Variants in LRP1B observed in about 807,000 individuals in gnomAD.
The protein encoded by LRP1B is LDL receptor related protein 1B.
A neutral mutation model predicts 556.6 loss-of-function variants in LRP1B; 217 were observed. That is an observed-to-expected ratio of 0.39 (90% CI 0.35 to 0.44). LRP1B has a LOEUF of 0.44. LRP1B is among the 20% of genes least tolerant of loss of function. LRP1B has a pLI of 1.00. For synonymous variants in LRP1B, 2,047 were observed against 1,865.8 expected (o/e 1.10, Z -2.50); for missense variants, 5,053 against 5,620.8 (o/e 0.90, Z 3.23).
chr2:140,545,119 C>A (rs571592296), intron 43 of LRP1B, among the ~76,000 whole-genome samples: 1 of 146,920 alleles, frequency 6.8e-6, no homozygotes, highest in East Asian at 2.0e-4. Context: ...TGTTTATGTC[C>A]TTTGCCCACA....
chr2:141,030,873 G>A (rs1698349530), intron 11 of LRP1B, among the ~76,000 whole-genome samples: 1 of 151,954 alleles, frequency 6.6e-6, no homozygotes, highest in Non-Finnish European at 1.5e-5. Context: ...GAAGATCTGA[G>A]GTAGTCATCA....
chr2:141,625,015 G>A (rs976353172), intron 2 of LRP1B, among the ~76,000 whole-genome samples: 9 of 152,138 alleles, frequency 5.9e-5, no homozygotes, highest in African/African-American at 1.2e-4. Flanking sequence ...TGATCCGCCC[G>A]CCTCAGCCTC....
chr2:141,180,116 T>A (rs1431160645), intron 7 of LRP1B, among the ~76,000 whole-genome samples: 1 of 151,932 alleles, frequency 6.6e-6, no homozygotes, highest in African/African-American at 2.4e-5. Context: ...TTTGAATAAA[T>A]CACTGCTTAG....
chr2:142,016,936 GTA>G (rs1193537076), intron 1 of LRP1B, among the ~76,000 whole-genome samples: 2 of 84,556 alleles, frequency 2.4e-5, no homozygotes, highest in Non-Finnish European at 6.0e-5. Context: ...ATGTATATAT[GTA>G]TATATGTGTA....
At chr2:141,881,279 T>C (rs1193890692) in intron 1 of LRP1B, among the ~76,000 whole-genome samples, 9 of 152,156 alleles carry the variant, frequency 5.9e-5, no homozygotes. Flanking sequence ...AATGTGGGTT[T>C]AATGTATTAT....
Position 141,032,826 on chromosome 2 carries a change from C to CATACATATATATAT in LRP1B, c.1790-12725_1790-12724insATATATATATGTAT. Among the ~76,000 whole-genome samples, 385 of 126,656 alleles carry CATACATATATATAT rather than the reference C, an allele frequency of 3.0e-3. 13 individuals are homozygous for CATACATATATATAT. Among genetic ancestry groups the CATACATATATATAT allele is most frequent in the African/African-American group, 0.01 (346 of 33,008 alleles). The allele number at this position is 126,656 out of a possible 152,430, so 83.1% of individuals were successfully genotyped here. Reference sequence around the variant, plus strand: ...ATGTGTGTGTGTATATATATACATACATATATATATATATGCAGGCATATG... The same window carrying CATACATATATATAT: ...ATGTGTGTGTGTATATATATACATACATACATATATATATATATATATATATATGCAGGCATATG... On this transcript the variant is annotated intron_variant, in intron 11 of 90. Transcript: ENST00000389484.
rs538899153 is a variant in LRP1B at position 141,741,251 on chromosome 2, T to TATACTG, written c.205+69022_205+69027dup. Among the ~76,000 whole-genome samples, 33 of 148,374 alleles carry TATACTG rather than the reference T, an allele frequency of 2.2e-4. No homozygotes were observed. In the East Asian group the frequency reaches 3.3e-3, roughly 15 times the overall value. On this transcript the variant is annotated intron_variant, in intron 2 of 90. Coordinates refer to ENST00000389484, the MANE Select transcript of LRP1B (RefSeq NM_018557.3). ...CACAGGCGTGCAGTTATCTCTTCAGTATACTGATTTCCTTTTTTTTTTTTT... is the reference window on the plus strand; with the variant it reads ...CACAGGCGTGCAGTTATCTCTTCAGTATACTGATACTGATTTCCTTTTTTTTTTTTT...
chr2:142,122,182 C>A (rs1343689357), intron 1 of LRP1B, among the ~76,000 whole-genome samples: 2 of 151,980 alleles, frequency 1.3e-5, no homozygotes, highest in East Asian at 1.9e-4. Flanking sequence ...CAAGGTAAAA[C>A]CCTCATGCCC....
At chr2:140,641,526 T>G (rs1357107064) in intron 41 of LRP1B, among the ~76,000 whole-genome samples, 1 of 152,246 alleles carries the variant, frequency 6.6e-6, no homozygotes, top group African/African-American at 2.4e-5. Flanking sequence ...AACTTGTGAC[T>G]TTCTCTCTTG....
At chr2:140,791,936 G>A (rs926764160) in intron 32 of LRP1B, among the ~76,000 whole-genome samples, 6 of 152,162 alleles carry the variant, frequency 3.9e-5, no homozygotes, top group South Asian at 2.1e-4. Context: ...AAAGTAGGGC[G>A]TAAATTTCCC....
chr2:140,606,885 T>C (rs1682887065), intron 41 of LRP1B, among the ~76,000 whole-genome samples: 1 of 151,876 alleles, frequency 6.6e-6, no homozygotes, highest in Admixed American at 6.6e-5. Flanking sequence ...CTTCATAACT[T>C]TGGGTTAAGC....
At chr2:140,624,545 G>C (rs1683584821) in intron 41 of LRP1B, among the ~76,000 whole-genome samples, 1 of 152,116 alleles carries the variant, frequency 6.6e-6, no homozygotes, top group African/African-American at 2.4e-5. Context: ...TTATCGCTGA[G>C]GAGTGTCCAC....
intron 13 of LRP1B, among the ~76,000 whole-genome samples, chr2:141,014,908 A>T (rs893509896): frequency 6.6e-6 from 1 of 152,084 alleles, no homozygotes; most frequent in Non-Finnish European, 1.5e-5. Context: ...TTAGTGTAGT[A>T]TTTCTTTCTA....
intron 7 of LRP1B, among the ~76,000 whole-genome samples, chr2:141,166,364 ATTCT>A (rs1172725353): frequency 1.8e-5 from 2 of 108,462 alleles, no homozygotes; most frequent in African/African-American, 5.8e-5. Flanking sequence ...CTTCTCTCTC[ATTCT>A]TTTTTTTTTT....
intron 41 of LRP1B, among the ~76,000 whole-genome samples, chr2:140,681,016 TG>T (rs1685841439): frequency 6.6e-6 from 1 of 152,136 alleles, no homozygotes; most frequent in Non-Finnish European, 1.5e-5. Flanking sequence ...CTAAGCAATG[TG>T]GGGTATAAGT....
chr2:140,969,309 GT>G (rs1441012849), intron 18 of LRP1B, among the ~76,000 whole-genome samples: 1 of 152,104 alleles, frequency 6.6e-6, no homozygotes, highest in East Asian at 1.9e-4. Flanking sequence ...TTTGATCTTT[GT>G]TGGTTTAAAG....
intron 41 of LRP1B, among the ~76,000 whole-genome samples, chr2:140,693,040 T>C (rs1345428465): frequency 3.9e-5 from 6 of 152,188 alleles, no homozygotes; most frequent in Non-Finnish European, 8.8e-5. Flanking sequence ...AATTTATTTG[T>C]AATGCTAACT....
chr2:141,085,623 C>T (rs1428251034), intron 7 of LRP1B, among the ~76,000 whole-genome samples: 1 of 152,076 alleles, frequency 6.6e-6, no homozygotes, highest in African/African-American at 2.4e-5. Context: ...CCTTCAGAAC[C>T]GTGACAAAAC....
chr2:141,393,798 A>G (rs1455247313), intron 3 of LRP1B, among the ~76,000 whole-genome samples: 1 of 152,222 alleles, frequency 6.6e-6, no homozygotes, highest in African/African-American at 2.4e-5. Flanking sequence ...GCAGAGTTAT[A>G]CAAAGCAAAA....
Sources: allele counts gnomAD v4.1 joint callset (sites outside exome capture counted in the v4.1 genomes callset), GRCh38; gene constraint gnomAD v4.1.1; transcripts MANE v1.5; gene names NCBI Gene and HGNC (gene_info 2026-07-23, HGNC 2026-07-21).